The following FOXN2 variants were observed in gnomAD, a reference collection of about 807,000 sequenced individuals.
The protein encoded by FOXN2 is forkhead box protein N2.
FOXN2 carries 19 observed loss-of-function variants against 41.2 expected under a neutral mutation model. The ratio of observed to expected loss-of-function variants is 0.46; its 90% CI spans 0.32 to 0.68. The LOEUF (loss-of-function observed/expected upper bound fraction) is 0.68. Among genes scored for constraint, FOXN2 ranks in the 30% least tolerant of loss-of-function variants. The pLI, the probability that FOXN2 is intolerant of heterozygous loss-of-function variation, is 0.03. For synonymous variants in FOXN2, 195 were observed against 176.8 expected (o/e 1.10, Z -0.82); for missense variants, 587 against 509.4 (o/e 1.15, Z -1.47).
intron 2 of FOXN2, among the ~76,000 whole-genome samples, chr2:48,340,308 A>C (rs1400081748): frequency 6.6e-6 from 1 of 152,180 alleles, no homozygotes; most frequent in Non-Finnish European, 1.5e-5. Flanking sequence ...TTTCTTATGT[A>C]GTCTCTGAAG....
intron 3 of FOXN2, among the ~76,000 whole-genome samples, chr2:48,352,538 G>A (rs1271751109): frequency 6.6e-6 from 1 of 152,046 alleles, no homozygotes; most frequent in Non-Finnish European, 1.5e-5. Context: ...GGCTTAATAT[G>A]TCGTCTGTGA....
chr2:48,339,952 C>T (rs1670632231), intron 2 of FOXN2, among the ~76,000 whole-genome samples: 1 of 152,092 alleles, frequency 6.6e-6, no homozygotes. Context: ...TGAATTACTG[C>T]TACAATAATG....
chr2:48,321,810 T>C (rs1478349514), intron 1 of FOXN2, among the ~76,000 whole-genome samples: 1 of 152,198 alleles, frequency 6.6e-6, no homozygotes, highest in Non-Finnish European at 1.5e-5. Context: ...TTGTTTTAGT[T>C]AAATATGTAT....
chr2:48,337,828 GC>G (rs1296582746), intron 2 of FOXN2, among the ~76,000 whole-genome samples: 2 of 151,938 alleles, frequency 1.3e-5, no homozygotes, highest in African/African-American at 4.8e-5. Flanking sequence ...ACAAAATAAA[GC>G]AAAAAATTAA....
intron 2 of FOXN2, among the ~76,000 whole-genome samples, chr2:48,344,778 G>A (rs527672216): frequency 3.3e-5 from 5 of 151,420 alleles, no homozygotes; most frequent in South Asian, 4.2e-4. Flanking sequence ...AAAATTAGCC[G>A]GTTTTCAGAA....
At chr2:48,362,587 G>A in intron 4 of FOXN2, 56 bp from the exon 5 acceptor site, 2 of 1,508,754 alleles carry the variant, frequency 1.3e-6, no homozygotes, top group Non-Finnish European at 1.8e-6. Flanking sequence ...AAATTAGGGG[G>A]AAAAAGTGAA....
chr2:48,332,667 T>C (rs1670088823), intron 2 of FOXN2, among the ~76,000 whole-genome samples: 1 of 152,206 alleles, frequency 6.6e-6, no homozygotes, highest in African/African-American at 2.4e-5. Context: ...TTATAATATT[T>C]ATACATCTAC....
intron 4 of FOXN2, among the ~76,000 whole-genome samples, chr2:48,360,007 T>A (rs953488638): frequency 1.3e-5 from 2 of 152,180 alleles, no homozygotes; most frequent in African/African-American, 4.8e-5. Context: ...TTTTTAAATG[T>A]TTGGCAAATA....
At chr2:48,333,325 T>A (rs1421278816) in intron 2 of FOXN2, among the ~76,000 whole-genome samples, 2 of 152,114 alleles carry the variant, frequency 1.3e-5, no homozygotes, top group Non-Finnish European at 2.9e-5. Flanking sequence ...CATAGTCCAA[T>A]ATAGCTAATA....
At chr2:48,357,920 A>G (rs1221697530) in intron 3 of FOXN2, among the ~76,000 whole-genome samples, 1 of 150,958 alleles carries the variant, frequency 6.6e-6, no homozygotes, top group African/African-American at 2.4e-5. Context: ...TTAATGTGAT[A>G]TCTTGCTGCT....
Position 48,323,562 on chromosome 2 carries a change from C to T in FOXN2, c.-156-4999C>T, listed in dbSNP as rs536139912. Among the ~76,000 whole-genome samples the T allele has an allele frequency of 3.3e-5, 5 of 152,096 alleles. No individual in the cohort carries two copies. In the East Asian group the frequency reaches 5.8e-4, roughly 18 times the overall value. On this transcript the variant is annotated intron_variant, in intron 1 of 6. Transcript: ENST00000340553. ...AAAGTTACTGATCATGCTCTTTGCC[C>T]GCTTTTTGATAGAGTTGTGTTTTTC... is the stretch of plus-strand genomic sequence containing the variant.
chr2:48,315,419 C>T (rs1000987457), intron 1 of FOXN2, among the ~76,000 whole-genome samples: 2 of 152,114 alleles, frequency 1.3e-5, no homozygotes, highest in African/African-American at 2.4e-5. Context: ...GGGAGCGACC[C>T]CGGCACCCTC....
intron 3 of FOXN2, among the ~76,000 whole-genome samples, chr2:48,353,654 A>G (rs904371998): frequency 6.0e-5 from 9 of 150,464 alleles, no homozygotes; most frequent in Non-Finnish European, 1.5e-5. Context: ...TTAAAAGCTC[A>G]GCATCTTTTT....
rs764474426 is a variant in FOXN2, at chr2:48,346,512, T to G, written c.298T>G (p.Cys100Gly). The G allele has an allele frequency of 1.2e-6, 2 of 1,614,026 alleles. No individual in the cohort carries two copies. Among genetic ancestry groups the G allele is most frequent in the Admixed American group, 3.3e-5 (2 of 59,968 alleles). ...GDDVPSFGPA[C>G]YQNPEKKSAT... ...TGATGTGCCATCCTTTGGACCAGCTTGCTACCAGAACCCAGAAAAAAAATC... is the reference window on the plus strand; with the variant it reads ...TGATGTGCCATCCTTTGGACCAGCTGGCTACCAGAACCCAGAAAAAAAATC... Residue 100 changes from cysteine (C) to glycine (G), a missense_variant, in exon 3 of 7, where the codon TGC becomes GGC. By Grantham distance (159) the Cys-to-Gly change is radical. Transcript: ENST00000340553.
intron 4 of FOXN2, among the ~76,000 whole-genome samples, chr2:48,361,201 T>C (rs1428683611): frequency 1.3e-5 from 2 of 152,146 alleles, no homozygotes; most frequent in Non-Finnish European, 2.9e-5. Flanking sequence ...GTGAGGTGGC[T>C]CAAGCTTGTA....
intron 3 of FOXN2, among the ~76,000 whole-genome samples, chr2:48,348,868 A>G (rs1203741888): frequency 1.3e-5 from 2 of 152,232 alleles, no homozygotes; most frequent in Non-Finnish European, 2.9e-5. Flanking sequence ...GAGAGGTAAG[A>G]TAGCTCTCTC....
rs374808500 is a variant in FOXN2 at position 48,374,519 on chromosome 2, C to T, written c.773-401C>T. ...TGTATATATCCCTTAGCAATTTTTT[C>T]ATATCTCTTTTTAAAAATTACTTGC... On this transcript the variant is annotated intron_variant, in intron 6 of 6. Coordinates refer to ENST00000340553, the MANE Select transcript of FOXN2 (RefSeq NM_002158.4). Among the ~76,000 whole-genome samples the T allele has an allele frequency of 1.4e-4, 22 of 152,096 alleles. No individual in the cohort carries two copies. The East Asian group carries it at 2.1e-3, about 15-fold the overall frequency.
chr2:48,375,541 C>T lies in FOXN2; in HGVS notation c.*98C>T. 2 of 1,188,724 alleles carry T rather than the reference C, an allele frequency of 1.7e-6. No homozygotes were observed. The highest frequency in any genetic ancestry group is 2.3e-6 in the Non-Finnish European group (2 of 873,126). The allele number at this position is 1,188,724 out of a possible 1,614,324, so 73.6% of individuals were successfully genotyped here. ...TTAGTTTTAGGGTAGGGAAGGGATA[C>T]TAATTACTTATTTCTTTCAAAACAT... On this transcript the variant is annotated 3_prime_UTR_variant, in exon 7 of 7. Coordinates refer to ENST00000340553, the MANE Select transcript of FOXN2 (RefSeq NM_002158.4).
intron 1 of FOXN2, among the ~76,000 whole-genome samples, chr2:48,325,844 C>CTT (rs959535701): frequency 0.018 from 1,839 of 102,694 alleles, 10 homozygotes; most frequent in African/African-American, 0.025. Context: ...CTCAAGATTT[C>CTT]TTTTTTTTTT....
Sources: allele counts gnomAD v4.1 joint callset (sites outside exome capture counted in the v4.1 genomes callset), GRCh38; gene constraint gnomAD v4.1.1; transcripts MANE v1.5; gene names NCBI Gene and HGNC (gene_info 2026-07-23, HGNC 2026-07-21).